The following ZFY variants were observed in gnomAD, a reference collection of about 807,000 sequenced individuals.
ZFY encodes zinc finger protein Y-linked.
For missense variants in ZFY, 113 were observed against 170.9 expected, an observed-to-expected ratio of 0.66 and a Z score of 1.89; for synonymous variants, 47 against 55.8, an observed-to-expected ratio of 0.84 and a Z score of 0.71.
chrY:2,980,308 A>G lies in ZFY; in HGVS notation c.*315A>G. 1.3e-5 allele frequency: 1 copy of G among 74,505 alleles called. No homozygotes were observed. Among genetic ancestry groups the G allele is most frequent in the Non-Finnish European group, 2.8e-5 (1 of 36,245 alleles). 18.6% of individuals were successfully genotyped at this position (74,505 alleles called of 400,897 possible). On this transcript the variant is annotated 3_prime_UTR_variant, in exon 8 of 8. Transcript: ENST00000155093. ...TTATTCATGTTCATGGTACTCTTCT[A>G]AGACAAAATCAGATTGATAACTATG...
intron 2 of ZFY, among the ~76,000 whole-genome samples, chrY:2,960,712 T>C: frequency 3.0e-5 from 1 of 33,489 alleles, no homozygotes; most frequent in Non-Finnish European, 7.4e-5. Context: ...ATCTCAAGAT[T>C]TTATTTTAGT....
intron 1 of ZFY, among the ~76,000 whole-genome samples, chrY:2,949,896 A>G (rs2051273210): frequency 3.2e-5 from 1 of 31,014 alleles, no homozygotes; most frequent in African/African-American, 1.3e-4. Flanking sequence ...ACATACACAC[A>G]CAAACACACA....
chrY:2,982,118 T>C lies in ZFY; in HGVS notation c.*2125T>C, dbSNP rs2051401353. 1 of 33,847 alleles carries C rather than the reference T, an allele frequency of 3.0e-5. No homozygotes were observed. Among genetic ancestry groups the C allele is most frequent in the Non-Finnish European group, 7.4e-5 (1 of 13,534 alleles). 8.4% of individuals were successfully genotyped at this position (33,847 alleles called of 400,897 possible). ...AGTTGTTTTGTTTTTAACCACGGTA[T>C]TGAAACCTTTAAAAGGTAATTAAGC... On this transcript the variant is annotated 3_prime_UTR_variant, in exon 8 of 8. Coordinates refer to ENST00000155093, the MANE Select transcript of ZFY (RefSeq NM_003411.4).
intron 1 of ZFY, among the ~76,000 whole-genome samples, chrY:2,945,909 C>A: frequency 9.0e-5 from 3 of 33,388 alleles, no homozygotes; most frequent in African/African-American, 3.5e-4. Context: ...TCACTATTTT[C>A]TTTTTAACAT....
Position 2,979,529 on chromosome Y carries a change from G to A in ZFY, c.1942G>A (p.Val648Ile), listed in dbSNP as rs1426586559. ...SSNSSDLKRH[V>I]ISVHTKDYPH... ...AAACTCAAGTGATTTGAAACGACATGTAATTTCAGTTCATACGAAAGACTA... is the reference window on the plus strand; with the variant it reads ...AAACTCAAGTGATTTGAAACGACATATAATTTCAGTTCATACGAAAGACTA... Residue 648 changes from valine to isoleucine, a missense_variant, in exon 8 of 8, where the codon GTA becomes ATA. Transcript: ENST00000155093. The A allele has an allele frequency of 2.5e-6, 1 of 398,641 alleles. No individual in the cohort carries two copies. Among genetic ancestry groups the A allele is most frequent in the Admixed American group, 7.4e-5 (1 of 13,495 alleles).
chrY:2,981,888 T>C lies in ZFY; in HGVS notation c.*1895T>C, dbSNP rs2051400680. On this transcript the variant is annotated 3_prime_UTR_variant, in exon 8 of 8. Transcript: ENST00000155093. Reference sequence around the variant, plus strand: ...CTGTTCTTGAAAACTTCAGTTTGTATTTGAGAATCCTTTAAATCTCCTTCC... The same window carrying C: ...CTGTTCTTGAAAACTTCAGTTTGTACTTGAGAATCCTTTAAATCTCCTTCC... 1 of 33,543 alleles carries C rather than the reference T, an allele frequency of 3.0e-5. No individual in the cohort carries two copies. Among genetic ancestry groups the C allele is most frequent in the African/African-American group, 1.2e-4 (1 of 8,677 alleles). 8.4% of individuals were successfully genotyped at this position (33,543 alleles called of 400,897 possible).
At chrY:2,947,722 T>A in intron 1 of ZFY, among the ~76,000 whole-genome samples, 1 of 33,846 alleles carries the variant, frequency 3.0e-5, no homozygotes, top group African/African-American at 1.2e-4. Context: ...ATGTGTTGAG[T>A]GGGAAGCAGT....
chrY:2,959,868 C>CT (rs2051303234), intron 2 of ZFY, among the ~76,000 whole-genome samples: 31 of 20,896 alleles, frequency 1.5e-3, no homozygotes, highest in South Asian at 9.7e-3. Flanking sequence ...CTTTCCTTTT[C>CT]TTTTTTTTTT....
At chrY:2,978,418 T>C in intron 7 of ZFY, among the ~76,000 whole-genome samples, 1 of 33,320 alleles carries the variant, frequency 3.0e-5, no homozygotes, top group African/African-American at 1.2e-4. Context: ...CTATGTTGTT[T>C]TGAATGCTGC....
At chrY:2,977,780 CAAAAAAAAAAAAAAAA>C (rs1268151770) in intron 6 of ZFY, 144 bp from the exon 7 acceptor site, 45 of 11,918 alleles carry the variant, frequency 3.8e-3, no homozygotes, top group Non-Finnish European at 5.2e-3. Flanking sequence ...GACTCTGTCT[CAAAAAAAAAAAAAAAA>C]AAAAAAAAAA....
At chrY:2,951,909 A>G in intron 1 of ZFY, among the ~76,000 whole-genome samples, 2 of 31,843 alleles carry the variant, frequency 6.3e-5, no homozygotes, top group African/African-American at 2.5e-4. Context: ...AAATTACGCT[A>G]CAAGTTGATC....
Position 2,975,205 on chromosome Y carries a change from G to A in ZFY, c.745G>A (p.Val249Met). The change falls in exon 4 of 8, where the codon GTG (valine) becomes ATG (methionine). Residue 249 changes from valine to methionine, a missense_variant. Coordinates refer to ENST00000155093, the MANE Select transcript of ZFY (RefSeq NM_003411.4). ...TAGCACTTGTCCTGAAGTCATCAAG[G>A]TGTACATTTTTAAAGCTGACCCTGG... ...VDSTCPEVIK[V>M]YIFKADPGED... The A allele has an allele frequency of 2.5e-6, 1 of 398,026 alleles. No homozygotes were observed. The highest frequency in any genetic ancestry group is 3.5e-6 in the Non-Finnish European group (1 of 283,315).
chrY:2,948,780 TAGAG>T (rs2051269659), intron 1 of ZFY, among the ~76,000 whole-genome samples: 1 of 33,941 alleles, frequency 2.9e-5, no homozygotes, highest in African/African-American at 1.1e-4. Flanking sequence ...TGAAACTTGA[TAGAG>T]AGATGTATGA....
At chrY:2,968,683 C>T (rs759827336) in intron 3 of ZFY, among the ~76,000 whole-genome samples, 1 of 32,874 alleles carries the variant, frequency 3.0e-5, no homozygotes, top group Admixed American at 2.8e-4. Flanking sequence ...TTATTTTTAT[C>T]GTATTTTTCT....
At chrY:2,969,869 A>G in intron 3 of ZFY, among the ~76,000 whole-genome samples, 1 of 33,383 alleles carries the variant, frequency 3.0e-5, no homozygotes. Flanking sequence ...AAATTGCTAT[A>G]AAATTTTTGT....
chrY:2,956,627 C>G, intron 2 of ZFY, among the ~76,000 whole-genome samples: 1 of 32,088 alleles, frequency 3.1e-5, no homozygotes, highest in Admixed American at 2.8e-4. Context: ...GCTGTAAATA[C>G]AGATGAGGCT....
chrY:2,938,219 C>T, intron 1 of ZFY, among the ~76,000 whole-genome samples: 2 of 14,101 alleles, frequency 1.4e-4, no homozygotes, highest in African/African-American at 5.7e-4. Context: ...CGGTGTTAGC[C>T]AGGATGGTCT....
At chrY:2,945,576 T>A (rs2051260253) in intron 1 of ZFY, among the ~76,000 whole-genome samples, 3 of 32,024 alleles carry the variant, frequency 9.4e-5, no homozygotes, top group Admixed American at 5.8e-4. Flanking sequence ...TCCAAGCAAT[T>A]CTTGTGCCTG....
rs2051399873 is a variant in ZFY, at chrY:2,981,719, A to G, written c.*1726A>G. On this transcript the variant is annotated 3_prime_UTR_variant, in exon 8 of 8. Coordinates refer to ENST00000155093, the MANE Select transcript of ZFY (RefSeq NM_003411.4). ...TGGCAGCCTCTGAAATGTTAGATTA[A>G]TTTGATCTAGTTCTAAAGTGCTTTA... 1 of 33,242 alleles carries G rather than the reference A, an allele frequency of 3.0e-5. No homozygotes were observed. Among genetic ancestry groups the G allele is most frequent in the African/African-American group, 1.2e-4 (1 of 8,546 alleles). 8.3% of individuals were successfully genotyped at this position (33,242 alleles called of 400,897 possible). A position where few individuals can be genotyped will look rare whatever the true frequency, so the allele number is the denominator to read the frequency against.
Sources: allele counts gnomAD v4.1 joint callset (sites outside exome capture counted in the v4.1 genomes callset), GRCh38; gene constraint gnomAD v4.1.1; transcripts MANE v1.5; gene names NCBI Gene and HGNC (gene_info 2026-07-23, HGNC 2026-07-21).